The following HMCN1 variants were observed in gnomAD, a reference collection of about 807,000 sequenced individuals.
HMCN1 encodes the protein hemicentin-1.
A neutral mutation model predicts 625.9 loss-of-function variants in HMCN1; 321 were observed. The observed-to-expected ratio is 0.51, with a 90% CI of 0.47 to 0.56. HMCN1 has a LOEUF of 0.56. Among genes scored for constraint, HMCN1 ranks in the 20% least tolerant of loss-of-function variants. The pLI is 0.00. For synonymous variants in HMCN1, 2,425 were observed against 2,417.6 expected (o/e 1.00, Z -0.09); for missense variants, 6,588 against 6,887.3 (o/e 0.96, Z 1.54).
chr1:185,803,025 A>G (rs937264404), intron 1 of HMCN1, among the ~76,000 whole-genome samples: 3 of 152,020 alleles, frequency 2.0e-5, no homozygotes, highest in Admixed American at 6.6e-5. Context: ...CCTACTGCAT[A>G]TTTTTTCTCT....
chr1:186,023,093 A>G lies in HMCN1; in HGVS notation c.5689A>G (p.Thr1897Ala). ...KTLLEDAGRY[T>A]CVATNAAGET... ...CCTGTTGGAAGATGCTGGCAGATACACATGTGTGGCTACCAACGCAGCTGG... is the reference window on the plus strand; with the variant it reads ...CCTGTTGGAAGATGCTGGCAGATACGCATGTGTGGCTACCAACGCAGCTGG... Residue 1897 changes from threonine (T) to alanine (A), a missense_variant, in exon 36 of 107, where the codon ACA becomes GCA. Physicochemically the swap from Thr to Ala is moderately conservative, Grantham distance 58. Coordinates refer to ENST00000271588, the MANE Select transcript of HMCN1 (RefSeq NM_031935.3). 6.2e-7 allele frequency: 1 copy of G among 1,613,412 alleles called. No homozygotes were observed. Among genetic ancestry groups the G allele is most frequent in the Non-Finnish European group, 8.5e-7 (1 of 1,179,472 alleles).
chr1:185,835,725 A>G (rs1661126121), intron 1 of HMCN1, among the ~76,000 whole-genome samples: 1 of 151,810 alleles, frequency 6.6e-6, no homozygotes, highest in Admixed American at 6.6e-5. Context: ...TATATTGGAT[A>G]TTTCATATTT....
At chr1:186,039,185 T>C (rs1656034883) in intron 38 of HMCN1, among the ~76,000 whole-genome samples, 180 bp downstream of exon 38, 1 of 152,216 alleles carries the variant, frequency 6.6e-6, no homozygotes, top group Non-Finnish European at 1.5e-5. Flanking sequence ...AAATGCTCAA[T>C]TTCCACATGC....
intron 62 of HMCN1, 127 bp downstream of exon 62, chr1:186,088,403 C>T: frequency 7.0e-7 from 1 of 1,438,500 alleles, no homozygotes; most frequent in Admixed American, 1.8e-5. Flanking sequence ...AAGGCTAACG[C>T]ACTGAAATAC....
chr1:185,843,121 GT>G (rs1196630715), intron 1 of HMCN1, among the ~76,000 whole-genome samples: 1 of 152,026 alleles, frequency 6.6e-6, no homozygotes, highest in Non-Finnish European at 1.5e-5. Context: ...TTATGGGTGA[GT>G]TTTCTTTGTA....
At chr1:185,850,677 C>G (rs1373286807) in intron 2 of HMCN1, among the ~76,000 whole-genome samples, 1 of 152,108 alleles carries the variant, frequency 6.6e-6, no homozygotes, top group Non-Finnish European at 1.5e-5. Flanking sequence ...TACCTTTGTT[C>G]AGAAAAATAA....
chr1:185,789,618 A>T (rs1401172116), intron 1 of HMCN1, among the ~76,000 whole-genome samples: 1 of 152,202 alleles, frequency 6.6e-6, no homozygotes, highest in African/African-American at 2.4e-5. Context: ...GATGAATGAC[A>T]TATGACATAT....
intron 4 of HMCN1, among the ~76,000 whole-genome samples, chr1:185,889,870 G>C (rs1664936667): frequency 6.8e-6 from 1 of 146,672 alleles, no homozygotes; most frequent in African/African-American, 2.7e-5. Flanking sequence ...GATTGGAATA[G>C]TTTCAGAAGG....
At chr1:185,806,084 T>TAAG (rs1659153662) in intron 1 of HMCN1, among the ~76,000 whole-genome samples, 1 of 150,306 alleles carries the variant, frequency 6.7e-6, no homozygotes, top group Non-Finnish European at 1.5e-5. Flanking sequence ...ATAATAATAA[T>TAAG]ATAATAATAG....
chr1:186,038,810 T>A lies in HMCN1; in HGVS notation c.5852-19T>A, dbSNP rs1029822804. ...TAAAAAATTTTTACATAGATCATCT[T>A]CTCCCCTTCTTCTTTCAGTTATTAC... On this transcript the variant is annotated intron_variant, in intron 37 of 106. Transcript: ENST00000271588. 3.3e-6 allele frequency: 5 copies of A among 1,536,842 alleles called. No homozygotes were observed. The highest frequency in any genetic ancestry group is 4.5e-6 in the Non-Finnish European group (5 of 1,110,040).
intron 75 of HMCN1, 137 bp downstream of exon 75, chr1:186,115,551 T>C: frequency 2.5e-6 from 2 of 808,246 alleles, no homozygotes; most frequent in Non-Finnish European, 4.0e-6. Context: ...TTTTCCTTAA[T>C]ATGGACTTAG....
At chr1:185,953,815 T>A (rs1271456481) in intron 11 of HMCN1, among the ~76,000 whole-genome samples, 1 of 151,744 alleles carries the variant, frequency 6.6e-6, no homozygotes, top group Non-Finnish European at 1.5e-5. Flanking sequence ...GTGAGCAACA[T>A]GGCTGTTTAT....
At chr1:185,821,242 T>C (rs778515149) in intron 1 of HMCN1, among the ~76,000 whole-genome samples, 2 of 152,100 alleles carry the variant, frequency 1.3e-5, no homozygotes, top group Non-Finnish European at 2.9e-5. Flanking sequence ...AAGGATTGCA[T>C]TCTTTGGTAT....
chr1:185,934,735 T>C (rs990063637), intron 11 of HMCN1, among the ~76,000 whole-genome samples: 1 of 152,326 alleles, frequency 6.6e-6, no homozygotes, highest in South Asian at 2.1e-4. Flanking sequence ...TATTTGATTG[T>C]GGTATTAGAA....
chr1:185,785,216 G>A (rs1256258360), intron 1 of HMCN1, among the ~76,000 whole-genome samples: 1 of 152,140 alleles, frequency 6.6e-6, no homozygotes, highest in Non-Finnish European at 1.5e-5. Flanking sequence ...GATAGGTATT[G>A]CCCAGGCTGC....
At position 185,807,179 on chromosome 1, in the gene HMCN1, A is replaced by C. The variant is rs546193064; in HGVS notation, c.269-38847A>C. ...AACATTCAAAATCCTGAATATGAAG[A>C]CTTTTAACATTTCAGTGTGATGATT... On this transcript the variant is annotated intron_variant, in intron 1 of 106. Transcript: ENST00000271588. 2.0e-5 allele frequency among the ~76,000 whole-genome samples: 3 copies of C among 152,334 alleles called. No individual in the cohort carries two copies. In the South Asian group the frequency reaches 6.2e-4, roughly 32 times the overall value.
At chr1:186,145,062 T>TA (rs1650227243) in intron 91 of HMCN1, among the ~76,000 whole-genome samples, 2 of 152,238 alleles carry the variant, frequency 1.3e-5, no homozygotes, top group Admixed American at 1.3e-4. Flanking sequence ...AGCAACTTGA[T>TA]ATCTGGAAAT....
intron 4 of HMCN1, among the ~76,000 whole-genome samples, chr1:185,907,155 A>C (rs1433763496): frequency 6.6e-6 from 1 of 151,924 alleles, no homozygotes; most frequent in Non-Finnish European, 1.5e-5. Flanking sequence ...GATCATTAAG[A>C]ACCCATTTTT....
intron 4 of HMCN1, among the ~76,000 whole-genome samples, chr1:185,877,123 G>A (rs2102381877): frequency 6.6e-6 from 1 of 151,652 alleles, no homozygotes; most frequent in Middle Eastern, 3.4e-3. Context: ...TCATTTTTCT[G>A]CATATGGCTA....
Sources: allele counts gnomAD v4.1 joint callset (sites outside exome capture counted in the v4.1 genomes callset), GRCh38; gene constraint gnomAD v4.1.1; transcripts MANE v1.5; gene names NCBI Gene and HGNC (gene_info 2026-07-23, HGNC 2026-07-21).